SMG5: variants seen among roughly 807,000 people sequenced by gnomAD.
The protein encoded by SMG5 is nonsense-mediated mRNA decay factor SMG5.
Under a neutral mutation model 122.9 loss-of-function variants are expected in SMG5, and 53 were observed. The ratio of observed to expected loss-of-function variants is 0.43; its 90% CI spans 0.35 to 0.54. The LOEUF is 0.54. Among genes scored for constraint, SMG5 ranks in the 20% least tolerant of loss-of-function variants. The pLI, the probability that SMG5 is intolerant of heterozygous loss-of-function variation, is 0.01. For synonymous variants in SMG5, 477 were observed against 490.2 expected, an observed-to-expected ratio of 0.97 and a Z score of 0.35; for missense variants, 1,153 against 1,285.6, an observed-to-expected ratio of 0.90 and a Z score of 1.58.
chr1:156,259,237 A>ACTCCCACC, intron 15 of SMG5, 74 bp from the exon 16 acceptor site: 1 of 1,391,834 alleles, frequency 7.2e-7, no homozygotes, highest in Non-Finnish European at 9.4e-7. Flanking sequence ...AGGACCCTCC[A>ACTCCCACC]CTCCCACCCT....
chr1:156,278,009 T>A lies in SMG5; in HGVS notation c.213A>T (p.Pro71=). ...CCTCAGCCTTTCTCCCATAGTCCACTGGGTGCAGGAACATAAGCTTGACGC... is the reference window on the plus strand; with the variant it reads ...CCTCAGCCTTTCTCCCATAGTCCACAGGGTGCAGGAACATAAGCTTGACGC... ...ELCVKLMFLH[P]VDYGRKAEEL... Residue 71 remains proline, a synonymous_variant, in exon 3 of 22, where the codon CCA becomes CCT. Transcript: ENST00000361813. 2 of 1,614,116 alleles carry A rather than the reference T, an allele frequency of 1.2e-6. No homozygotes were observed. The highest frequency in any genetic ancestry group is 1.7e-6 in the Non-Finnish European group (2 of 1,179,996).
intron 7 of SMG5, among the ~76,000 whole-genome samples, chr1:156,270,105 A>C (rs1478172451): frequency 6.6e-6 from 1 of 152,212 alleles, no homozygotes; most frequent in African/African-American, 2.4e-5. Flanking sequence ...GTTTCTTAAA[A>C]ACATGTTTTT....
Position 156,282,676 on chromosome 1 carries a change from C to T in SMG5, c.5G>A (p.Ser2Asn). The T allele has an allele frequency of 1.2e-6, 2 of 1,603,072 alleles. No individual in the cohort carries two copies. The highest frequency in any genetic ancestry group is 1.7e-6 in the Non-Finnish European group (2 of 1,178,696). Residue 2 changes from serine (S) to asparagine (N), a missense_variant, in exon 1 of 22, where the codon AGC (serine) becomes AAC (asparagine). Coordinates refer to ENST00000361813, the MANE Select transcript of SMG5 (RefSeq NM_015327.3). ...GCTCTCCCCTGTGGGGGGGCCTTGG[C>T]TCATGGTGCCCGGGTCCGGGGGCAG... MSQGPPTGESSE... is the reference protein window; with the variant it reads MNQGPPTGESSE...
chr1:156,260,720 G>A, intron 14 of SMG5, 94 bp from the exon 15 acceptor site: 2 of 1,175,918 alleles, frequency 1.7e-6, no homozygotes, highest in African/African-American at 1.6e-5. Flanking sequence ...TCAGGCTGAT[G>A]AGATGATGAG....
chr1:156,250,386 C>T lies in SMG5; in HGVS notation c.*201G>A. 1.7e-6 allele frequency: 1 copy of T among 599,238 alleles called. No individual in the cohort carries two copies. Among genetic ancestry groups the T allele is most frequent in the Non-Finnish European group, 3.0e-6 (1 of 334,404 alleles). 37.1% of individuals were successfully genotyped at this position (599,238 alleles called of 1,614,324 possible). A position where few individuals can be genotyped will look rare whatever the true frequency, so the allele number is the denominator to read the frequency against. On this transcript the variant is annotated 3_prime_UTR_variant, in exon 22 of 22. Transcript: ENST00000361813. Reference sequence around the variant, plus strand: ...CTAATCCAAGCACTTTCCTCGCTTTCCTAACGTCTTGGCAACAAAGGGACC... The same window carrying T: ...CTAATCCAAGCACTTTCCTCGCTTTTCTAACGTCTTGGCAACAAAGGGACC...
upstream of SMG5, chr1:156,286,037 G>A: frequency 1.3e-6 from 2 of 1,561,746 alleles, no homozygotes; most frequent in Admixed American, 1.8e-5. Flanking sequence ...GGAGGGCAGG[G>A]CCTGGCTGGT....
At chr1:156,272,508 G>GTTCT (rs1662481966) in intron 6 of SMG5, 110 bp from the exon 7 acceptor site, 1 of 811,972 alleles carries the variant, frequency 1.2e-6, no homozygotes, top group African/African-American at 1.7e-5. Flanking sequence ...AGCTGGGTCT[G>GTTCT]CAGGCAACAC....
chr1:156,270,917 G>T (rs1662382436), intron 7 of SMG5, among the ~76,000 whole-genome samples: 1 of 151,670 alleles, frequency 6.6e-6, no homozygotes, highest in African/African-American at 2.4e-5. Flanking sequence ...TGGGGCAGAA[G>T]AATCACTTGA....
At chr1:156,283,766 T>C (rs190580850), upstream of SMG5, among the ~76,000 whole-genome samples, 2 of 152,336 alleles carry the variant, frequency 1.3e-5, no homozygotes, top group East Asian at 3.9e-4. Context: ...CATCCATTGG[T>C]CTTTCACTTG....
chr1:156,253,612 C>A, intron 16 of SMG5, 104 bp from the exon 17 acceptor site: 1 of 998,300 alleles, frequency 1.0e-6, no homozygotes, highest in Non-Finnish European at 1.6e-6. Flanking sequence ...TGACCTCATG[C>A]AAAGTCACTC....
In SMG5 at chr1:156,273,365, C is replaced by A. The variant is rs1289308329; in HGVS notation, c.630G>T (p.Gln210His). 6 of 1,613,494 alleles carry A rather than the reference C, an allele frequency of 3.7e-6. No individual in the cohort carries two copies. Among genetic ancestry groups the A allele is most frequent in the African/African-American group, 1.3e-5 (1 of 75,030 alleles). Reference sequence around the variant, plus strand: ...CCCAAGTTGGGGACAACTTACCAATCTGAGGAGCTACTGACAGGGCTTGGT... The same window carrying A: ...CCCAAGTTGGGGACAACTTACCAATATGAGGAGCTACTGACAGGGCTTGGT... ...FYYQALSVAP[Q>H]IGMPFNQLGT... Residue 210 changes from glutamine (Q) to histidine (H), a missense_variant, in exon 6 of 22, where the codon CAG becomes CAT. Coordinates refer to ENST00000361813, the MANE Select transcript of SMG5 (RefSeq NM_015327.3).
rs758915101 is a variant in SMG5, at chr1:156,267,516, T to C, written c.1071A>G (p.Gln357=). ...CACACATAAGGCAGATGATGACCAT[T>C]TGAAAGATGAGAAGGTCCGGGAGGA... ...YAFLPDLLIF[Q]MVIICLMCVH... Residue 357 remains glutamine (Q), a synonymous_variant, in exon 10 of 22, where the codon CAA becomes CAG. Transcript: ENST00000361813. 5.6e-6 allele frequency: 9 copies of C among 1,613,928 alleles called. No homozygotes were observed. The highest frequency in any genetic ancestry group is 5.9e-6 in the Non-Finnish European group (7 of 1,179,998).
rs532652581 is a variant in SMG5, at chr1:156,270,001, T to C, written c.714-1586A>G. ...GTTGCAGTGAGCCGAGATCGCGCCA[T>C]TGCACACCAGCCTAGGCGACAGAGC... is the stretch of plus-strand genomic sequence containing the variant. On this transcript the variant is annotated intron_variant, in intron 7 of 21. Coordinates refer to ENST00000361813, the MANE Select transcript of SMG5 (RefSeq NM_015327.3). Among the ~76,000 whole-genome samples, 15 of 152,128 alleles carry C rather than the reference T, an allele frequency of 9.9e-5. 1 individual carries two copies. The highest frequency in any genetic ancestry group is 2.9e-4 in the African/African-American group (12 of 41,494).
At chr1:156,264,981 G>A (rs1330890208) in intron 12 of SMG5, among the ~76,000 whole-genome samples, 2 of 150,966 alleles carry the variant, frequency 1.3e-5, no homozygotes, top group Non-Finnish European at 2.9e-5. Flanking sequence ...AGCCGAGATC[G>A]TGCCACTGCC....
intron 16 of SMG5, among the ~76,000 whole-genome samples, 194 bp downstream of exon 16, chr1:156,258,811 C>A (rs1348957711): frequency 6.6e-6 from 1 of 151,564 alleles, no homozygotes; most frequent in Admixed American, 6.6e-5. Flanking sequence ...AAAAAAAAAC[C>A]CCTCTCAGTC....
intron 16 of SMG5, among the ~76,000 whole-genome samples, 198 bp downstream of exon 16, chr1:156,258,807 A>C (rs1434342603): frequency 6.6e-6 from 1 of 151,678 alleles, no homozygotes; most frequent in Non-Finnish European, 1.5e-5. Flanking sequence ...AAAAAAAAAA[A>C]AACCCCTCTC....
intron 10 of SMG5, 135 bp downstream of exon 10, chr1:156,267,335 G>T: frequency 2.4e-6 from 2 of 837,358 alleles, no homozygotes; most frequent in South Asian, 1.7e-5. Flanking sequence ...GCCCTTACTT[G>T]CCCACAGCCA....
At chr1:156,251,082 G>A (rs1661326098) in intron 20 of SMG5, 86 bp from the exon 21 acceptor site, 2 of 1,530,548 alleles carry the variant, frequency 1.3e-6, no homozygotes, top group Non-Finnish European at 1.8e-6. Flanking sequence ...GACAGGGGCA[G>A]CTGGGGGCTG....
chr1:156,289,010 C>T, the SMG5 span, among the ~76,000 whole-genome samples: 2 of 152,172 alleles, frequency 1.3e-5, no homozygotes, highest in African/African-American at 2.4e-5. Context: ...TCAGGTCAGT[C>T]GGCAATAGTG....
Sources: allele counts gnomAD v4.1 joint callset (sites outside exome capture counted in the v4.1 genomes callset), GRCh38; gene constraint gnomAD v4.1.1; transcripts MANE v1.5; gene names NCBI Gene and HGNC (gene_info 2026-07-23, HGNC 2026-07-21).